The following DLGAP2 variants were observed in gnomAD, a reference collection of about 807,000 sequenced individuals.
The protein encoded by DLGAP2 is DLG associated protein 2.
In DLGAP2, 26 loss-of-function variants were observed where a neutral mutation model predicts 100.3. The observed-to-expected ratio is 0.26, with a 90% CI of 0.19 to 0.36. DLGAP2 has a LOEUF of 0.36. Ranked by LOEUF, DLGAP2 falls within the 10% of genes least tolerant of loss-of-function variation. The probability of loss-of-function intolerance (pLI) is 1.00; values close to 1 mark genes in which losing one functional copy is unlikely to be tolerated. For synonymous variants in DLGAP2, 886 were observed against 630.1 expected (o/e 1.41, Z -6.08); for missense variants, 1,858 against 1,453.2 (o/e 1.28, Z -4.53).
chr8:905,714 C>T (rs200802580), intron 1 of DLGAP2, among the ~76,000 whole-genome samples: 3 of 152,096 alleles, frequency 2.0e-5, no homozygotes, highest in East Asian at 3.9e-4. Flanking sequence ...ACGGGAGCTG[C>T]GGCATTTGAG....
chr8:1,327,839 G>A (rs1390482800), intron 3 of DLGAP2, among the ~76,000 whole-genome samples: 3 of 152,088 alleles, frequency 2.0e-5, no homozygotes, highest in South Asian at 2.1e-4. Context: ...GGGAGACTCC[G>A]TCTCAAAAAA....
chr8:1,273,733 G>C, intron 3 of DLGAP2, among the ~76,000 whole-genome samples: 1 of 152,200 alleles, frequency 6.6e-6, no homozygotes, highest in Non-Finnish European at 1.5e-5. Context: ...TGCTTCTAAT[G>C]AATCAGGATA....
intron 3 of DLGAP2, among the ~76,000 whole-genome samples, chr8:1,422,887 G>A (rs1797138344): frequency 6.6e-6 from 1 of 152,182 alleles, no homozygotes; most frequent in Non-Finnish European, 1.5e-5. Flanking sequence ...AGCGGTGTGA[G>A]GCCTGAGGAA....
At chr8:769,008 G>C (rs956364742) in intron 1 of DLGAP2, among the ~76,000 whole-genome samples, 1 of 152,088 alleles carries the variant, frequency 6.6e-6, no homozygotes, top group African/African-American at 2.4e-5. Context: ...GCTTCCCAGA[G>C]GTGGGTGACA....
At position 1,503,343 on chromosome 8, in the gene DLGAP2, C is replaced by A. The variant is rs147185565; in HGVS notation, c.172+1912C>A. On this transcript the variant is annotated intron_variant, in intron 4 of 14. Transcript: ENST00000637795. ...CTGCTTTCTGTCTCTGAAACTGACT[C>A]CTCCAGGGCCCTCCTAGAAGTGGAA... 5.3e-5 allele frequency among the ~76,000 whole-genome samples: 8 copies of A among 151,600 alleles called. No homozygotes were observed. The East Asian group carries it at 5.8e-4, about 11-fold the overall frequency.
intron 2 of DLGAP2, among the ~76,000 whole-genome samples, chr8:1,174,388 C>G (rs1283961401): frequency 6.6e-6 from 1 of 151,736 alleles, no homozygotes; most frequent in Non-Finnish European, 1.5e-5. Context: ...CCATTACCAC[C>G]ATCATCATTA....
At chr8:1,371,752 T>G (rs1436272392) in intron 3 of DLGAP2, among the ~76,000 whole-genome samples, 1 of 152,194 alleles carries the variant, frequency 6.6e-6, no homozygotes, top group Non-Finnish European at 1.5e-5. Flanking sequence ...CATCGCCACT[T>G]GAGAGGGGAA....
intron 3 of DLGAP2, among the ~76,000 whole-genome samples, chr8:1,436,959 T>C (rs1584901553): frequency 6.6e-6 from 1 of 152,266 alleles, no homozygotes; most frequent in Non-Finnish European, 1.5e-5. Flanking sequence ...GCTGTGCAGG[T>C]GCAGCCTGGG....
intron 2 of DLGAP2, among the ~76,000 whole-genome samples, chr8:1,080,061 G>A (rs112503309): frequency 5.3e-5 from 8 of 152,240 alleles, no homozygotes; most frequent in South Asian, 4.1e-4. Context: ...GTCCTCAAGC[G>A]TATGATGGGG....
chr8:1,682,506 G>C (rs1478234033), intron 12 of DLGAP2, among the ~76,000 whole-genome samples: 1 of 150,202 alleles, frequency 6.7e-6, no homozygotes, highest in African/African-American at 2.5e-5. Flanking sequence ...AGGGAGTCTT[G>C]CTCTTTCTCC....
At chr8:812,709 C>G (rs537454402) in intron 1 of DLGAP2, among the ~76,000 whole-genome samples, 152 of 152,218 alleles carry the variant, frequency 1.0e-3, no homozygotes, top group South Asian at 1.9e-3. Flanking sequence ...TTAATCAAAG[C>G]TTTGATAAGG....
At chr8:1,666,492 C>T (rs1427155059) in intron 8 of DLGAP2, among the ~76,000 whole-genome samples, 1 of 152,064 alleles carries the variant, frequency 6.6e-6, no homozygotes, top group African/African-American at 2.4e-5. Context: ...ACCAGGCTGG[C>T]CCACATGGTG....
intron 6 of DLGAP2, among the ~76,000 whole-genome samples, chr8:1,597,498 G>C (rs186239146): frequency 2.6e-4 from 40 of 152,238 alleles, no homozygotes; most frequent in Middle Eastern, 3.4e-3. Flanking sequence ...TCCTATCCAT[G>C]ATCATGGAAT....
intron 1 of DLGAP2, among the ~76,000 whole-genome samples, chr8:756,022 A>T (rs1820910442): frequency 6.6e-6 from 1 of 152,156 alleles, no homozygotes. Flanking sequence ...TTTAGGTTAT[A>T]ACCGGTATTT....
At position 1,508,810 on chromosome 8, in the gene DLGAP2, A is replaced by T. The variant is rs531490783; in HGVS notation, c.172+7379A>T. On this transcript the variant is annotated intron_variant, in intron 4 of 14. Coordinates refer to ENST00000637795, the MANE Select transcript of DLGAP2 (RefSeq NM_001346810.2). Reference sequence around the variant, plus strand: ...TGAGTGCGGACTAAGCGCCCGGGGAAGACGGGGAAGACGGGGCCAGGCTCG... The same window carrying T: ...TGAGTGCGGACTAAGCGCCCGGGGATGACGGGGAAGACGGGGCCAGGCTCG... Among the ~76,000 whole-genome samples, 28 of 151,846 alleles carry T rather than the reference A, an allele frequency of 1.8e-4. No homozygotes were observed. In the South Asian group the frequency reaches 5.8e-3, roughly 32 times the overall value.
At chr8:1,221,683 A>G (rs1274823686) in intron 2 of DLGAP2, among the ~76,000 whole-genome samples, 4 of 152,056 alleles carry the variant, frequency 2.6e-5, no homozygotes, top group African/African-American at 9.7e-5. Flanking sequence ...AGCATTCTCA[A>G]ATATATTTTC....
At chr8:1,203,094 T>G (rs1182637454) in intron 2 of DLGAP2, among the ~76,000 whole-genome samples, 1 of 151,530 alleles carries the variant, frequency 6.6e-6, no homozygotes, top group Non-Finnish European at 1.5e-5. Context: ...GCTTGGGTGT[T>G]TCTCTTAGGG....
intron 12 of DLGAP2, among the ~76,000 whole-genome samples, chr8:1,687,904 C>CTTCA (rs1395476405): frequency 6.6e-6 from 1 of 152,164 alleles, no homozygotes; most frequent in Non-Finnish European, 1.5e-5. Flanking sequence ...CTTTAAATAT[C>CTTCA]TTCATTAATT....
intron 12 of DLGAP2, among the ~76,000 whole-genome samples, chr8:1,686,772 A>C (rs770406597): frequency 6.6e-6 from 1 of 152,232 alleles, no homozygotes; most frequent in African/African-American, 2.4e-5. Flanking sequence ...AATGGGTACA[A>C]AAATACAGTT....
Sources: gnomAD v4.1 joint callset for allele counts (sites outside exome capture counted in the v4.1 genomes callset) on GRCh38, gnomAD v4.1.1 for gene constraint, MANE v1.5 for transcripts, NCBI Gene and HGNC (gene_info 2026-07-23, HGNC 2026-07-21) for gene names.